Variants in EDIL3 observed in about 807,000 individuals in gnomAD.
EDIL3 encodes the protein EGF like and discoidin domains 3.
In EDIL3, 37 loss-of-function variants were observed where a neutral mutation model predicts 67.4. The observed-to-expected ratio is 0.55, with a 90% CI of 0.42 to 0.72. The LOEUF (loss-of-function observed/expected upper bound fraction) is 0.72. Among genes scored for constraint, EDIL3 ranks in the 30% least tolerant of loss-of-function variants. The pLI is 0.00. For missense variants in EDIL3, 527 were observed against 586.3 expected, an observed-to-expected ratio of 0.90 and a Z score of 1.04; for synonymous variants, 195 against 196.3, an observed-to-expected ratio of 0.99 and a Z score of 0.05.
chr5:84,148,000 T>C (rs1376324050), intron 4 of EDIL3, among the ~76,000 whole-genome samples: 1 of 152,096 alleles, frequency 6.6e-6, no homozygotes, highest in African/African-American at 2.4e-5. Flanking sequence ...TAAACAAAAA[T>C]GATGTCCTAA....
intron 1 of EDIL3, among the ~76,000 whole-genome samples, chr5:84,376,955 T>C (rs1167431568): frequency 6.6e-6 from 1 of 152,272 alleles, no homozygotes; most frequent in East Asian, 1.9e-4. Flanking sequence ...AGTTAAACTA[T>C]AGAAAGATAA....
At chr5:84,264,451 A>G (rs1745305972) in intron 1 of EDIL3, among the ~76,000 whole-genome samples, 1 of 152,158 alleles carries the variant, frequency 6.6e-6, no homozygotes, top group Admixed American at 6.5e-5. Context: ...AAATGTCAAC[A>G]TGTACCCCAC....
rs1456936132 is a variant in EDIL3, at chr5:84,060,291, A to C, written c.1137+9T>G. On this transcript the variant is annotated intron_variant, in intron 9 of 10. Coordinates refer to ENST00000296591, the MANE Select transcript of EDIL3 (RefSeq NM_005711.5). ...CAGTGGGTAGTGAAACAGTTTTGGA[A>C]AACTTTACCTGTAACCATTGTGACT... The C allele has an allele frequency of 6.2e-7, 1 of 1,611,244 alleles. No individual in the cohort carries two copies. The highest frequency in any genetic ancestry group is 1.3e-5 in the African/African-American group (1 of 74,932).
Position 84,384,420 on chromosome 5 carries a change from G to A in EDIL3, c.-46C>T. The A allele has an allele frequency of 1.9e-6, 3 of 1,606,668 alleles. No homozygotes were observed. The highest frequency in any genetic ancestry group is 2.6e-6 in the Non-Finnish European group (3 of 1,174,998). ...ACCCCGGCTGGTCAGGGGTCGTCGC[G>A]GAGGGCAGTGTAGCCGAGGTGGCAG... is the stretch of plus-strand genomic sequence containing the variant. On this transcript the variant is annotated 5_prime_UTR_variant, in exon 1 of 11. Coordinates refer to ENST00000296591, the MANE Select transcript of EDIL3 (RefSeq NM_005711.5).
intron 9 of EDIL3, among the ~76,000 whole-genome samples, chr5:83,965,032 T>C (rs1006299996): frequency 3.9e-5 from 6 of 152,072 alleles, no homozygotes; most frequent in African/African-American, 1.2e-4. Context: ...TGTAACATAA[T>C]ATGGTGTGTG....
chr5:84,326,741 A>G (rs1746764862), intron 1 of EDIL3, among the ~76,000 whole-genome samples: 1 of 151,840 alleles, frequency 6.6e-6, no homozygotes, highest in Non-Finnish European at 1.5e-5. Flanking sequence ...TGTATCTCAA[A>G]TCTTTCATCA....
intron 5 of EDIL3, among the ~76,000 whole-genome samples, chr5:84,108,952 C>T (rs900019888): frequency 1.3e-5 from 2 of 152,160 alleles, no homozygotes; most frequent in Admixed American, 6.5e-5. Flanking sequence ...AATTAGATAT[C>T]TTCACAGAAT....
In EDIL3 at chr5:84,347,108, T is replaced by A. The variant is rs562899103; in HGVS notation, c.67+37200A>T. Reference sequence around the variant, plus strand: ...CAAACTTCCCAGGTAAGCCTTGACTTCTTCATCTATATATTTAGGAGGCCA... The same window carrying A: ...CAAACTTCCCAGGTAAGCCTTGACTACTTCATCTATATATTTAGGAGGCCA... On this transcript the variant is annotated intron_variant, in intron 1 of 10. Transcript: ENST00000296591. Among the ~76,000 whole-genome samples the A allele has an allele frequency of 3.3e-5, 5 of 152,312 alleles. No homozygotes were observed. The South Asian group carries it at 1.0e-3, about 32-fold the overall frequency.
At chr5:84,272,361 C>G (rs1203255434) in intron 1 of EDIL3, among the ~76,000 whole-genome samples, 1 of 151,808 alleles carries the variant, frequency 6.6e-6, no homozygotes, top group Non-Finnish European at 1.5e-5. Flanking sequence ...CCTCACCAAC[C>G]TCCACGTAAT....
At chr5:84,094,531 T>C (rs1747227802) in intron 6 of EDIL3, among the ~76,000 whole-genome samples, 1 of 152,254 alleles carries the variant, frequency 6.6e-6, no homozygotes, top group Middle Eastern at 3.4e-3. Context: ...AAAATCTACT[T>C]CTTAAATCCT....
intron 3 of EDIL3, among the ~76,000 whole-genome samples, chr5:84,205,513 G>C (rs1709075606): frequency 6.6e-6 from 1 of 152,150 alleles, no homozygotes; most frequent in Non-Finnish European, 1.5e-5. Flanking sequence ...TGAAAAACTT[G>C]ACTCTTTTGC....
chr5:84,203,612 T>C (rs1369874622), intron 3 of EDIL3, among the ~76,000 whole-genome samples: 1 of 152,094 alleles, frequency 6.6e-6, no homozygotes, highest in Non-Finnish European at 1.5e-5. Context: ...TAGAATCAGC[T>C]CCAATAATTT....
At chr5:84,099,544 G>A (rs1037813484) in intron 6 of EDIL3, among the ~76,000 whole-genome samples, 1 of 152,042 alleles carries the variant, frequency 6.6e-6, no homozygotes, top group Non-Finnish European at 1.5e-5. Flanking sequence ...ACTGAAACTG[G>A]ACCCCTTCCT....
chr5:84,340,556 A>C (rs1418458294), intron 1 of EDIL3, among the ~76,000 whole-genome samples: 28 of 136,860 alleles, frequency 2.0e-4, no homozygotes, highest in Middle Eastern at 3.6e-3. Context: ...ATATATATAT[A>C]TATATATATA....
At chr5:84,094,292 T>C (rs1702761167) in intron 6 of EDIL3, among the ~76,000 whole-genome samples, 1 of 152,178 alleles carries the variant, frequency 6.6e-6, no homozygotes, top group African/African-American at 2.4e-5. Flanking sequence ...GGGATCATAG[T>C]TTAAAAAATA....
At chr5:84,370,028 A>T (rs1392832587) in intron 1 of EDIL3, among the ~76,000 whole-genome samples, 4 of 152,220 alleles carry the variant, frequency 2.6e-5, no homozygotes, top group Admixed American at 2.6e-4. Context: ...CTTTTTCTTA[A>T]CACATAAACA....
chr5:84,212,336 T>C (rs1744139316), intron 3 of EDIL3, among the ~76,000 whole-genome samples: 1 of 152,172 alleles, frequency 6.6e-6, no homozygotes. Flanking sequence ...TGAGTTCCTA[T>C]TACCGGTGAA....
chr5:84,151,097 T>C (rs1444677904), intron 4 of EDIL3, among the ~76,000 whole-genome samples: 2 of 152,152 alleles, frequency 1.3e-5, no homozygotes, highest in Non-Finnish European at 2.9e-5. Flanking sequence ...AGTAAGATGA[T>C]GGATTCACAG....
chr5:84,341,066 C>G (rs1211597573), intron 1 of EDIL3, among the ~76,000 whole-genome samples: 1 of 152,016 alleles, frequency 6.6e-6, no homozygotes, highest in Non-Finnish European at 1.5e-5. Flanking sequence ...TCTATGCTCT[C>G]AAATCATCCA....
Sources: allele counts gnomAD v4.1 joint callset (sites outside exome capture counted in the v4.1 genomes callset), GRCh38; gene constraint gnomAD v4.1.1; transcripts MANE v1.5; gene names NCBI Gene and HGNC (gene_info 2026-07-23, HGNC 2026-07-21).